SSB: variants seen among roughly 807,000 people sequenced by gnomAD.
SSB encodes the protein small RNA binding exonuclease protection factor La.
Under a neutral mutation model 52.9 loss-of-function variants are expected in SSB, and 17 were observed. That is an observed-to-expected ratio of 0.32 (90% CI 0.22 to 0.48). The LOEUF is 0.48. Among genes scored for constraint, SSB ranks in the 20% least tolerant of loss-of-function variants. SSB has a pLI of 0.99. For missense variants in SSB, 314 were observed against 463.6 expected (o/e 0.68, Z 2.96); for synonymous variants, 111 against 152.1 (o/e 0.73, Z 1.99).
chr2:169,810,814 C>A (rs1689935164), intron 9 of SSB, 44 bp from the exon 10 acceptor site: 2 of 1,548,654 alleles, frequency 1.3e-6, no homozygotes, highest in Non-Finnish European at 1.7e-6. Flanking sequence ...AATTGTGGGA[C>A]TAAAAACCAA....
intron 2 of SSB, among the ~76,000 whole-genome samples, chr2:169,803,075 TC>T: frequency 6.6e-6 from 1 of 152,230 alleles, no homozygotes; most frequent in South Asian, 2.1e-4. Flanking sequence ...CTGATAATTG[TC>T]AGTTTACATC....
rs202145156 is a variant in SSB at position 169,810,239 on chromosome 2, G to T, written c.670-44G>T. ...TGGTGTGAGTCATTTCTGGTCTGTT[G>T]TTGCTTTTAAGAAACTTTTTGATCA... is the stretch of plus-strand genomic sequence containing the variant. On this transcript the variant is annotated intron_variant, in intron 8 of 11. Transcript: ENST00000260956. 3 of 1,513,264 alleles carry T rather than the reference G, an allele frequency of 2.0e-6. No homozygotes were observed. In the East Asian group the frequency reaches 7.0e-5, roughly 35 times the overall value. The allele number at this position is 1,513,264 out of a possible 1,614,324, so 93.7% of individuals were successfully genotyped here.
intron 2 of SSB, among the ~76,000 whole-genome samples, chr2:169,803,433 G>A (rs1220547484): frequency 6.6e-6 from 1 of 151,902 alleles, no homozygotes; most frequent in Non-Finnish European, 1.5e-5. Context: ...TATTTTTAGT[G>A]GAGACGGGGT....
intron 1 of SSB, among the ~76,000 whole-genome samples, chr2:169,800,534 C>CAAAAAAAAAAAAAAA (rs59743225): frequency 1.4e-4 from 11 of 78,280 alleles, no homozygotes; most frequent in African/African-American, 5.1e-4. Flanking sequence ...GACTCCGTCT[C>CAAAAAAAAAAAAAAA]AAAAAAAAAA....
At chr2:169,809,640 A>G (rs1689902903) in intron 8 of SSB, among the ~76,000 whole-genome samples, 1 of 151,200 alleles carries the variant, frequency 6.6e-6, no homozygotes. Context: ...TTTGAGACCG[A>G]GTCTCACTGT....
chr2:169,808,659 A>AG, intron 7 of SSB, 106 bp downstream of exon 7: 2 of 1,131,586 alleles, frequency 1.8e-6, no homozygotes, highest in Non-Finnish European at 2.6e-6. Flanking sequence ...TCTCTTTGCT[A>AG]GTGAAACACT....
chr2:169,801,120 T>G, intron 2 of SSB, 94 bp downstream of exon 2: 1 of 1,039,076 alleles, frequency 9.6e-7, no homozygotes, highest in Non-Finnish European at 1.4e-6. Context: ...TATTCAACAT[T>G]TGGTTTGCCT....
chr2:169,800,719 G>A (rs1395922051), intron 1 of SSB, among the ~76,000 whole-genome samples: 1 of 152,038 alleles, frequency 6.6e-6, no homozygotes, highest in Non-Finnish European at 1.5e-5. Context: ...TAGAAGATGG[G>A]GTAGTGATTT....
At chr2:169,806,067 C>T in intron 4 of SSB, 1 of 531,446 alleles carries the variant, frequency 1.9e-6, no homozygotes, top group Non-Finnish European at 3.5e-6. Flanking sequence ...ACCTCCTGGG[C>T]TCAAGTGATC....
chr2:169,802,852 A>G (rs1689739610), intron 2 of SSB, among the ~76,000 whole-genome samples: 1 of 152,192 alleles, frequency 6.6e-6, no homozygotes, highest in Non-Finnish European at 1.5e-5. Context: ...CCCGCTAAAT[A>G]TAGGATGCAT....
At chr2:169,805,283 A>AC (rs1374115703) in intron 2 of SSB, among the ~76,000 whole-genome samples, 191 bp from the exon 3 acceptor site, 3 of 152,178 alleles carry the variant, frequency 2.0e-5, no homozygotes, top group African/African-American at 4.8e-5. Context: ...CATCTGTTAC[A>AC]CTATTTTAGT....
chr2:169,811,391 C>A, intron 11 of SSB, 68 bp downstream of exon 11: 2 of 1,466,526 alleles, frequency 1.4e-6, no homozygotes, highest in South Asian at 1.4e-5. Flanking sequence ...AAATGATTTG[C>A]CAGAGAGAAT....
intron 2 of SSB, among the ~76,000 whole-genome samples, chr2:169,804,255 T>TC (rs1180340571): frequency 1.3e-5 from 2 of 148,876 alleles, no homozygotes; most frequent in Non-Finnish European, 3.0e-5. Flanking sequence ...TTTTTTTTTT[T>TC]TTTTTTTGAG....
chr2:169,805,935 C>A, intron 4 of SSB, 96 bp downstream of exon 4: 1 of 1,141,532 alleles, frequency 8.8e-7, no homozygotes, highest in Non-Finnish European at 1.3e-6. Context: ...TCACTAATTA[C>A]TGTATGTCCT....
intron 2 of SSB, among the ~76,000 whole-genome samples, 173 bp from the exon 3 acceptor site, chr2:169,805,301 A>G (rs181429632): frequency 6.6e-6 from 1 of 152,282 alleles, no homozygotes; most frequent in East Asian, 1.9e-4. Context: ...AGTAATTGAC[A>G]TTTTAGTTTT....
Position 169,808,876 on chromosome 2 carries a change from C to G in SSB, c.643C>G (p.Gln215Glu), listed in dbSNP as rs747940610. The G allele has an allele frequency of 2.4e-5, 39 of 1,595,926 alleles. No individual in the cohort carries two copies. Among genetic ancestry groups the G allele is most frequent in the Non-Finnish European group, 1.3e-5 (15 of 1,164,346 alleles). Reference protein sequence around the residue: ...LRAKQEQEAKQKLEEDAEMKS... With the variant: ...LRAKQEQEAKEKLEEDAEMKS... ...TATTTGTAGGGAGCAAGAAGCAAAA[C>G]AAAAGTTAGAAGAAGATGCTGAAAT... Residue 215 changes from glutamine (Q) to glutamate (E), a missense_variant, in exon 8 of 12, where the codon CAA (glutamine) becomes GAA (glutamate). Transcript: ENST00000260956.
At chr2:169,799,716 T>A (rs1201290719) in intron 1 of SSB, among the ~76,000 whole-genome samples, 1 of 152,170 alleles carries the variant, frequency 6.6e-6, no homozygotes, top group Non-Finnish European at 1.5e-5. Context: ...ATTGAGTAAT[T>A]TCTCTAGGGG....
intron 1 of SSB, chr2:169,799,278 C>CTT (rs55750138): frequency 0.048 from 4,948 of 103,274 alleles, 382 homozygotes; most frequent in African/African-American, 0.14. Flanking sequence ...CCCATTGCGT[C>CTT]TTTTTTTTTT....
chr2:169,806,135 A>G (rs928776656), intron 4 of SSB: 2 of 339,404 alleles, frequency 5.9e-6, no homozygotes, highest in Non-Finnish European at 1.1e-5. Context: ...CATGCCTGGC[A>G]AAAAATTTTT....
Sources: gnomAD v4.1 joint callset for allele counts (sites outside exome capture counted in the v4.1 genomes callset) on GRCh38, gnomAD v4.1.1 for gene constraint, MANE v1.5 for transcripts, NCBI Gene and HGNC (gene_info 2026-07-23, HGNC 2026-07-21) for gene names.